PTPN11: variants seen among roughly 807,000 people sequenced by gnomAD.
PTPN11 encodes the protein tyrosine-protein phosphatase non-receptor type 11.
A neutral mutation model predicts 78.8 loss-of-function variants in PTPN11; 6 were observed. The observed-to-expected ratio is 0.08, with a 90% CI of 0.04 to 0.15. The LOEUF (loss-of-function observed/expected upper bound fraction) is 0.15. Among genes scored for constraint, PTPN11 ranks in the 10% least tolerant of loss-of-function variants. The pLI is 1.00. For missense variants in PTPN11, 386 were observed against 744.8 expected (o/e 0.52, Z 5.61); for synonymous variants, 221 against 263.5 (o/e 0.84, Z 1.56).
At position 112,486,442 on chromosome 12, in the gene PTPN11, A is replaced by T. The variant is rs777756875; in HGVS notation, c.1225-33A>T. On this transcript the variant is annotated intron_variant, in intron 10 of 15. Transcript: ENST00000351677. ...ATTCCTCAACCTCTTGATTTATTTAATTCTTTTCTGGTTTTTCTTGGCTCT... is the reference window on the plus strand; with the variant it reads ...ATTCCTCAACCTCTTGATTTATTTATTTCTTTTCTGGTTTTTCTTGGCTCT... The T allele has an allele frequency of 4.4e-6, 7 of 1,582,904 alleles. No homozygotes were observed. In the South Asian group the frequency reaches 7.7e-5, roughly 18 times the overall value.
At chr12:112,488,587 G>T in intron 12 of PTPN11, 77 bp downstream of exon 12, 2 of 1,409,358 alleles carry the variant, frequency 1.4e-6, no homozygotes. Context: ...AAAACAGTCT[G>T]GGGAAGAGAG....
chr12:112,440,278 T>C (rs1483775742), intron 1 of PTPN11, among the ~76,000 whole-genome samples: 1 of 152,142 alleles, frequency 6.6e-6, no homozygotes, highest in Non-Finnish European at 1.5e-5. Context: ...CTGTCTCAAT[T>C]TTCCTTTTTT....
intron 7 of PTPN11, 84 bp from the exon 8 acceptor site, chr12:112,477,567 A>T: frequency 9.2e-7 from 1 of 1,088,212 alleles, no homozygotes; most frequent in Non-Finnish European, 1.4e-6. Context: ...CAAAACTTGG[A>T]CTAGGCTGGG....
At chr12:112,437,450 C>T (rs1387217554) in intron 1 of PTPN11, among the ~76,000 whole-genome samples, 7 of 152,276 alleles carry the variant, frequency 4.6e-5, no homozygotes, top group South Asian at 2.1e-4. Flanking sequence ...CATGAGCCAC[C>T]GTGCCCGGCC....
At position 112,481,823 on chromosome 12, in the gene PTPN11, T is replaced by A. The variant is rs544801916; in HGVS notation, c.1093-251T>A. ...TTTACAGATAAACAAACATTGACTC[T>A]GCTTTGACATGTGCTTGGATCAGGT... On this transcript the variant is annotated intron_variant, in intron 9 of 15. Transcript: ENST00000351677. Among the ~76,000 whole-genome samples the A allele has an allele frequency of 2.0e-4, 31 of 152,054 alleles. No individual in the cohort carries two copies. In the South Asian group the frequency reaches 6.0e-3, roughly 29 times the overall value.
chr12:112,425,250 G>T (rs1488876241), intron 1 of PTPN11, among the ~76,000 whole-genome samples: 2 of 152,050 alleles, frequency 1.3e-5, no homozygotes, highest in Admixed American at 6.6e-5. Flanking sequence ...TCATCAGTGG[G>T]GGGGGCTAGT....
Position 112,504,547 on chromosome 12 carries a change from C to A in PTPN11, c.1713-148C>A. The A allele has an allele frequency of 1.5e-6, 1 of 662,578 alleles. No homozygotes were observed. Among genetic ancestry groups the A allele is most frequent in the South Asian group, 1.7e-5 (1 of 58,610 alleles). 41.0% of individuals were successfully genotyped at this position (662,578 alleles called of 1,614,324 possible). On this transcript the variant is annotated intron_variant, in intron 14 of 15. Transcript: ENST00000351677. This position sits in a 1 kb window ranked among gnomAD's most constrained non-coding sequence, Gnocchi z 4.7. ...TGCTGTATGGCTATCTCTTCTCTCCCTGGGAATGTCAGGTCCTAGGCACAG... is the reference window on the plus strand; with the variant it reads ...TGCTGTATGGCTATCTCTTCTCTCCATGGGAATGTCAGGTCCTAGGCACAG...
At chr12:112,481,647 C>T (rs181127607) in intron 9 of PTPN11, among the ~76,000 whole-genome samples, 26 of 152,296 alleles carry the variant, frequency 1.7e-4, no homozygotes, top group African/African-American at 6.3e-4. Context: ...TGCCTGCTAT[C>T]ACGCCTGGCT....
chr12:112,487,133 C>CTT (rs1215555696), intron 11 of PTPN11, among the ~76,000 whole-genome samples: 3 of 139,168 alleles, frequency 2.2e-5, no homozygotes, highest in East Asian at 2.0e-4. Flanking sequence ...CTCTCTCTCT[C>CTT]TTTTTTTTTT....
chr12:112,456,532 T>A (rs965875114), intron 6 of PTPN11, among the ~76,000 whole-genome samples: 2 of 151,644 alleles, frequency 1.3e-5, no homozygotes, highest in Non-Finnish European at 2.9e-5. Flanking sequence ...GATCTCGGTT[T>A]ACTGCAGCCC....
chr12:112,476,640 G>A (rs1334082929), intron 7 of PTPN11, among the ~76,000 whole-genome samples: 4 of 152,068 alleles, frequency 2.6e-5, no homozygotes, highest in Admixed American at 1.3e-4. Flanking sequence ...GTGGTGGCAC[G>A]CTCCTGTAAT....
intron 3 of PTPN11, among the ~76,000 whole-genome samples, chr12:112,452,858 C>A (rs574093782): frequency 5.3e-5 from 8 of 152,216 alleles, no homozygotes; most frequent in African/African-American, 1.9e-4. Context: ...TATAATTAAA[C>A]AGTTGGTCCT....
At chr12:112,494,438 A>T (rs1236167857) in intron 13 of PTPN11, among the ~76,000 whole-genome samples, 1 of 152,042 alleles carries the variant, frequency 6.6e-6, no homozygotes, top group East Asian at 1.9e-4. Flanking sequence ...TTATTTATTC[A>T]TGTCTATCAG....
chr12:112,498,736 A>G (rs1408139307), intron 13 of PTPN11, among the ~76,000 whole-genome samples: 2 of 152,078 alleles, frequency 1.3e-5, no homozygotes, highest in African/African-American at 4.8e-5. Flanking sequence ...ATTACCCTCT[A>G]CTCCACAAAC....
At chr12:112,499,943 TAA>T (rs529382859) in intron 13 of PTPN11, among the ~76,000 whole-genome samples, 118 of 117,138 alleles carry the variant, frequency 1.0e-3, no homozygotes, top group African/African-American at 2.0e-3. Context: ...CCCTGTCTCT[TAA>T]AAAAAAAAAA....
chr12:112,474,640 G>C (rs1355174468), intron 7 of PTPN11, among the ~76,000 whole-genome samples: 1 of 151,328 alleles, frequency 6.6e-6, no homozygotes, highest in Non-Finnish European at 1.5e-5. Flanking sequence ...TTTGAGATAG[G>C]GTCTTACTCT....
chr12:112,446,151 A>C, intron 1 of PTPN11, 125 bp from the exon 2 acceptor site: 2 of 1,173,004 alleles, frequency 1.7e-6, no homozygotes, highest in Non-Finnish European at 2.5e-6. Flanking sequence ...GGGACAGGGA[A>C]GGTCTTGATT....
intron 1 of PTPN11, among the ~76,000 whole-genome samples, chr12:112,444,329 G>A (rs1316680016): frequency 2.6e-5 from 4 of 151,818 alleles, no homozygotes; most frequent in African/African-American, 9.7e-5. Flanking sequence ...TGGATCATAT[G>A]GTACTTCCAA....
intron 1 of PTPN11, among the ~76,000 whole-genome samples, chr12:112,427,096 A>G (rs1296166665): frequency 6.6e-6 from 1 of 152,106 alleles, no homozygotes; most frequent in Non-Finnish European, 1.5e-5. Context: ...AAATAGAAAA[A>G]TTAGCCAGGT....
Sources: gnomAD v4.1 joint callset for allele counts (sites outside exome capture counted in the v4.1 genomes callset) on GRCh38, gnomAD v4.1.1 for gene constraint, Gnocchi (gnomAD v3.1) non-coding constraint, MANE v1.5 for transcripts, NCBI Gene and HGNC (gene_info 2026-07-23, HGNC 2026-07-21) for gene names.